SPRR2G: variants seen among roughly 807,000 people sequenced by gnomAD.
SPRR2G encodes the protein small proline rich protein 2G.
In SPRR2G, 1 loss-of-function variant was observed where a neutral mutation model predicts 0.7. The observed-to-expected ratio is 1.49, with a 90% CI of 0.53 to 7.06. SPRR2G has a LOEUF of 7.06. Ranked by LOEUF, SPRR2G falls within the 30% of genes most tolerant of loss-of-function variation. SPRR2G has a pLI of 0.14. For missense variants in SPRR2G, 96 were observed against 88.5 expected, an observed-to-expected ratio of 1.09 and a Z score of -0.34; for synonymous variants, 38 against 33.9, an observed-to-expected ratio of 1.12 and a Z score of -0.42.
chr1:153,196,109 G>A, the SPRR2G span, among the ~76,000 whole-genome samples: 3 of 152,190 alleles, frequency 2.0e-5, no homozygotes, highest in African/African-American at 7.2e-5. Flanking sequence ...AATTGTAAGT[G>A]TATTAATACA....
At chr1:153,197,144 GTGTGTGTGTGT>G in the SPRR2G span, among the ~76,000 whole-genome samples, 2 of 71,306 alleles carry the variant, frequency 2.8e-5, no homozygotes, top group African/African-American at 1.3e-4. Flanking sequence ...GTGTGTGTGT[GTGTGTGTGTGT>G]GTGTGTGTGT....
the SPRR2G span, among the ~76,000 whole-genome samples, chr1:153,164,594 A>G: frequency 6.6e-6 from 1 of 152,226 alleles, no homozygotes; most frequent in African/African-American, 2.4e-5. Flanking sequence ...AGTCCCTTAT[A>G]TAAAATCACA....
At chr1:153,202,921 C>A in the SPRR2G span, among the ~76,000 whole-genome samples, 1 of 152,128 alleles carries the variant, frequency 6.6e-6, no homozygotes, top group African/African-American at 2.4e-5. Flanking sequence ...TTAAAAAAGG[C>A]AAGGAAGGAA....
the SPRR2G span, among the ~76,000 whole-genome samples, chr1:153,157,627 T>A: frequency 6.6e-6 from 1 of 151,652 alleles, no homozygotes; most frequent in Non-Finnish European, 1.5e-5. Context: ...CCCTGTGGGT[T>A]TTTTTTTGTT....
the SPRR2G span, among the ~76,000 whole-genome samples, chr1:153,173,504 T>C: frequency 2.0e-5 from 3 of 152,226 alleles, no homozygotes; most frequent in African/African-American, 4.8e-5. Flanking sequence ...ACATATTGAA[T>C]GGAAATCTGC....
the SPRR2G span, among the ~76,000 whole-genome samples, chr1:153,191,848 G>A: frequency 1.3e-5 from 2 of 152,022 alleles, no homozygotes; most frequent in African/African-American, 2.4e-5. Context: ...TTACTTGTGG[G>A]TTTTATTTAT....
the SPRR2G span, among the ~76,000 whole-genome samples, chr1:153,178,475 A>G: frequency 3.3e-5 from 5 of 152,190 alleles, no homozygotes; most frequent in African/African-American, 7.2e-5. Flanking sequence ...TTCATCGCAT[A>G]GAGAAAATTT....
chr1:153,203,229 G>A, the SPRR2G span, among the ~76,000 whole-genome samples: 27 of 152,218 alleles, frequency 1.8e-4, no homozygotes, highest in Non-Finnish European at 3.4e-4. Flanking sequence ...CTTCACTGCA[G>A]CCTCATTTTA....
At chr1:153,154,751 T>C (rs1213472934), upstream of SPRR2G, among the ~76,000 whole-genome samples, 2 of 151,904 alleles carry the variant, frequency 1.3e-5, no homozygotes, top group Non-Finnish European at 2.9e-5. Flanking sequence ...TCCTTTTTTC[T>C]TTATTAGTCT....
the SPRR2G span, chr1:153,191,422 C>T: frequency 1.3e-5 from 2 of 152,144 alleles, no homozygotes; most frequent in Admixed American, 6.5e-5. Flanking sequence ...AAATAATTTA[C>T]ACACTTAAGA....
the SPRR2G span, among the ~76,000 whole-genome samples, chr1:153,164,805 G>C: frequency 6.6e-6 from 1 of 152,188 alleles, no homozygotes; most frequent in East Asian, 1.9e-4. Flanking sequence ...ACCCACAGTT[G>C]GTTGAATCCA....
At chr1:153,155,734 T>G (rs1473054638), upstream of SPRR2G, among the ~76,000 whole-genome samples, 1 of 152,214 alleles carries the variant, frequency 6.6e-6, no homozygotes, top group African/African-American at 2.4e-5. Context: ...ACTCTGTAAT[T>G]TTGCTGACAT....
chr1:153,152,308 C>A (rs1472381624), upstream of SPRR2G, among the ~76,000 whole-genome samples: 1 of 152,166 alleles, frequency 6.6e-6, no homozygotes, highest in East Asian at 1.9e-4. Flanking sequence ...GCTGTAGTCA[C>A]TACTAATTAG....
At chr1:153,193,508 T>A in the SPRR2G span, among the ~76,000 whole-genome samples, 22 of 151,962 alleles carry the variant, frequency 1.4e-4, no homozygotes, top group South Asian at 2.1e-4. Context: ...ACACACAGGG[T>A]CTAGCCTCTG....
At chr1:153,182,910 T>C in the SPRR2G span, among the ~76,000 whole-genome samples, 3 of 152,124 alleles carry the variant, frequency 2.0e-5, no homozygotes, top group African/African-American at 7.2e-5. Flanking sequence ...AGTAATGGGA[T>C]TGCTGGGTCA....
At chr1:153,200,614 A>G in the SPRR2G span, among the ~76,000 whole-genome samples, 1 of 152,120 alleles carries the variant, frequency 6.6e-6, no homozygotes, top group Admixed American at 6.5e-5. Flanking sequence ...TGGTGACATT[A>G]TATCATTTTA....
upstream of SPRR2G, among the ~76,000 whole-genome samples, chr1:153,154,647 T>C (rs1465713073): frequency 5.9e-5 from 9 of 152,198 alleles, no homozygotes; most frequent in East Asian, 7.7e-4. Context: ...TATATAGTTG[T>C]TCATAAGCAG....
chr1:153,202,505 C>A, the SPRR2G span, among the ~76,000 whole-genome samples: 3 of 152,234 alleles, frequency 2.0e-5, no homozygotes, highest in Admixed American at 6.5e-5. Context: ...TAGGAAGAAG[C>A]CCTTTTGCTC....
At chr1:153,182,625 A>G in the SPRR2G span, among the ~76,000 whole-genome samples, 1 of 152,024 alleles carries the variant, frequency 6.6e-6, no homozygotes, top group Non-Finnish European at 1.5e-5. Flanking sequence ...CCCACTTATG[A>G]GTGAGAACTT....
Sources: allele counts gnomAD v4.1 joint callset (sites outside exome capture counted in the v4.1 genomes callset), GRCh38; gene constraint gnomAD v4.1.1; transcripts MANE v1.5; gene names NCBI Gene and HGNC (gene_info 2026-07-23, HGNC 2026-07-21).